KLHL1: variants seen among roughly 807,000 people sequenced by gnomAD.
KLHL1 encodes kelch-like protein 1.
A neutral mutation model predicts 77.7 loss-of-function variants in KLHL1; 47 were observed. The ratio of observed to expected loss-of-function variants is 0.60; its 90% CI spans 0.48 to 0.77. KLHL1 has a LOEUF of 0.77. KLHL1 is among the 30% of genes least tolerant of loss of function. The pLI, the probability that KLHL1 is intolerant of heterozygous loss-of-function variation, is 0.00. For missense variants in KLHL1, 925 were observed against 910.8 expected, an observed-to-expected ratio of 1.02 and a Z score of -0.20; for synonymous variants, 360 against 325.2, an observed-to-expected ratio of 1.11 and a Z score of -1.15.
At chr13:69,809,793 T>G (rs1877784993) in intron 6 of KLHL1, among the ~76,000 whole-genome samples, 1 of 151,854 alleles carries the variant, frequency 6.6e-6, no homozygotes, top group Non-Finnish European at 1.5e-5. Context: ...ATCCTTCCAC[T>G]GTCTTCCAGA....
At chr13:69,933,145 A>C (rs550966903) in intron 4 of KLHL1, among the ~76,000 whole-genome samples, 3 of 152,158 alleles carry the variant, frequency 2.0e-5, no homozygotes, top group Non-Finnish European at 2.9e-5. Context: ...TTACAAAGAC[A>C]TGCTGAAAGT....
chr13:69,856,781 C>T (rs886385695), intron 5 of KLHL1, among the ~76,000 whole-genome samples: 17 of 151,962 alleles, frequency 1.1e-4, no homozygotes, highest in African/African-American at 4.1e-4. Context: ...CAGGAAAATG[C>T]TAGTAGGCAT....
At position 70,107,826 on chromosome 13, in the gene KLHL1, A is replaced by G. The variant is rs985751021; in HGVS notation, c.-127T>C. 8 of 699,990 alleles carry G rather than the reference A, an allele frequency of 1.1e-5. No homozygotes were observed. In the Admixed American group the frequency reaches 2.7e-4, roughly 23 times the overall value. 43.4% of individuals were successfully genotyped at this position (699,990 alleles called of 1,614,324 possible). ...ATGCGCCCTCTGCACCCCTAGAGCC[A>G]GAAGACGCTAGGTGGGCTGCGCGCT... On this transcript the variant is annotated 5_prime_UTR_variant, in exon 1 of 11. Transcript: ENST00000377844.
intron 4 of KLHL1, among the ~76,000 whole-genome samples, chr13:69,925,682 T>TAACA (rs3072570): frequency 0.85 from 129,607 of 151,674 alleles, 56,497 homozygotes; most frequent in Non-Finnish European, 0.95. Context: ...AAATAAACTC[T>TAACA]AACATTTGAA....
At chr13:69,878,251 T>A (rs898200289) in intron 5 of KLHL1, among the ~76,000 whole-genome samples, 3 of 152,192 alleles carry the variant, frequency 2.0e-5, no homozygotes, top group African/African-American at 7.2e-5. Flanking sequence ...TGTTTTTTTT[T>A]ATTTATATAT....
At chr13:69,988,427 G>A (rs1566476375) in intron 1 of KLHL1, among the ~76,000 whole-genome samples, 1 of 152,034 alleles carries the variant, frequency 6.6e-6, no homozygotes, top group Non-Finnish European at 1.5e-5. Context: ...ATAAACATAT[G>A]CATACATGTG....
chr13:69,915,465 C>T (rs1305552533), intron 4 of KLHL1, among the ~76,000 whole-genome samples: 1 of 152,122 alleles, frequency 6.6e-6, no homozygotes, highest in Non-Finnish European at 1.5e-5. Context: ...TGATCTTTGA[C>T]AAACCTGACA....
In KLHL1 at chr13:69,820,043, C is replaced by T. The variant is rs577523751; in HGVS notation, c.1414+18933G>A. On this transcript the variant is annotated intron_variant, in intron 6 of 10. Transcript: ENST00000377844. ...CAGTCCCTCTAAGAATCTTGATTCT[C>T]CTTTAGCCAAATCAAAAGAGGGCTG... Among the ~76,000 whole-genome samples the T allele has an allele frequency of 3.9e-5, 6 of 152,220 alleles. No homozygotes were observed. The South Asian group carries it at 1.0e-3, about 26-fold the overall frequency.
At chr13:69,871,910 A>AT in intron 5 of KLHL1, among the ~76,000 whole-genome samples, 1 of 151,938 alleles carries the variant, frequency 6.6e-6, no homozygotes, top group South Asian at 2.1e-4. Context: ...ATCTTGCTTT[A>AT]TTTTTTAAGC....
At chr13:69,945,534 T>G (rs1343812594) in intron 3 of KLHL1, among the ~76,000 whole-genome samples, 1 of 151,672 alleles carries the variant, frequency 6.6e-6, no homozygotes, top group Admixed American at 6.6e-5. Flanking sequence ...GGAAAAAAGT[T>G]TGCAAATCAT....
intron 1 of KLHL1, among the ~76,000 whole-genome samples, chr13:70,005,928 C>A (rs1885394978): frequency 6.6e-6 from 1 of 151,988 alleles, no homozygotes; most frequent in Admixed American, 6.6e-5. Context: ...TATTAACTAT[C>A]GGACTATGTT....
chr13:69,833,463 G>A (rs565199916), intron 6 of KLHL1, among the ~76,000 whole-genome samples: 3 of 151,580 alleles, frequency 2.0e-5, no homozygotes, highest in South Asian at 2.1e-4. Flanking sequence ...AATAGATGTC[G>A]ACAAGGATGT....
At chr13:69,738,090 G>A (rs1275824733) in intron 8 of KLHL1, among the ~76,000 whole-genome samples, 2 of 152,068 alleles carry the variant, frequency 1.3e-5, no homozygotes, top group East Asian at 1.9e-4. Flanking sequence ...CTCCAGGGGC[G>A]GGACGGACCC....
At chr13:69,989,735 A>T (rs892026953) in intron 1 of KLHL1, among the ~76,000 whole-genome samples, 1 of 151,732 alleles carries the variant, frequency 6.6e-6, no homozygotes, top group Non-Finnish European at 1.5e-5. Context: ...TGTGAATGAG[A>T]TTGCCTTCCT....
chr13:70,053,271 T>A lies in KLHL1; in HGVS notation c.497+53932A>T, dbSNP rs535717881. Among the ~76,000 whole-genome samples the A allele has an allele frequency of 5.9e-5, 9 of 152,090 alleles. No individual in the cohort carries two copies. In the South Asian group the frequency reaches 1.7e-3, roughly 28 times the overall value. ...AGACTTTTCCAGGAAATATAACAGA[T>A]TTGAGGGAATCTTAAATGGTAAATG... On this transcript the variant is annotated intron_variant, in intron 1 of 10. Transcript: ENST00000377844.
intron 8 of KLHL1, among the ~76,000 whole-genome samples, chr13:69,730,223 C>T (rs1301595260): frequency 2.0e-5 from 3 of 151,728 alleles, no homozygotes; most frequent in Admixed American, 2.0e-4. Flanking sequence ...ATAATGCAAG[C>T]TAATTATCCA....
chr13:69,793,446 C>T lies in KLHL1; in HGVS notation c.1639+3292G>A, dbSNP rs542558076. On this transcript the variant is annotated intron_variant, in intron 7 of 10. Coordinates refer to ENST00000377844, the MANE Select transcript of KLHL1 (RefSeq NM_020866.3). Reference sequence around the variant, plus strand: ...GATAGCTGTGAAACATTTTAAACCACGCAGTTTTAGCAACTACAGAACTCA... The same window carrying T: ...GATAGCTGTGAAACATTTTAAACCATGCAGTTTTAGCAACTACAGAACTCA... Among the ~76,000 whole-genome samples the T allele has an allele frequency of 7.9e-5, 12 of 151,108 alleles. No individual in the cohort carries two copies. In the East Asian group the frequency reaches 1.5e-3, roughly 20 times the overall value.
At chr13:70,075,760 C>CACAT (rs1555295418) in intron 1 of KLHL1, among the ~76,000 whole-genome samples, 51 of 140,782 alleles carry the variant, frequency 3.6e-4, no homozygotes, top group Non-Finnish European at 4.3e-4. Flanking sequence ...CATACACACA[C>CACAT]ATATATATAT....
chr13:70,107,251 A>G lies in KLHL1; in HGVS notation c.449T>C (p.Val150Ala). The G allele has an allele frequency of 6.2e-7, 1 of 1,614,004 alleles. No homozygotes were observed. The highest frequency in any genetic ancestry group is 8.5e-7 in the Non-Finnish European group (1 of 1,179,950). ...EKGLVLQELK[V>A]EPDNSSQATG... is the part of the protein sequence containing the mutation. ...TGCCTGGCTAGAGTTGTCTGGCTCC[A>G]CTTTGAGCTCTTGCAGAACCAGCCC... Residue 150 changes from valine (V) to alanine (A), a missense_variant, in exon 1 of 11, where the codon GTG becomes GCG. Transcript: ENST00000377844.
Sources: gnomAD v4.1 joint callset for allele counts (sites outside exome capture counted in the v4.1 genomes callset) on GRCh38, gnomAD v4.1.1 for gene constraint, MANE v1.5 for transcripts, NCBI Gene and HGNC (gene_info 2026-07-23, HGNC 2026-07-21) for gene names.